Variants in PDK1 observed in about 807,000 individuals in gnomAD.
PDK1 encodes [Pyruvate dehydrogenase (acetyl-transferring)] kinase isozyme 1, mitochondrial.
In PDK1, 39 loss-of-function variants were observed where a neutral mutation model predicts 54.2. The ratio of observed to expected loss-of-function variants is 0.72; its 90% CI spans 0.56 to 0.94. The LOEUF is 0.94. Among genes scored for constraint, PDK1 ranks in the 40% least tolerant of loss-of-function variants. The pLI is 0.00. For missense variants in PDK1, 552 were observed against 566.0 expected (o/e 0.98, Z 0.25); for synonymous variants, 221 against 207.1 (o/e 1.07, Z -0.58).
the PDK1 span, among the ~76,000 whole-genome samples, chr2:172,630,647 T>TC: frequency 7.3e-6 from 1 of 137,054 alleles, no homozygotes; most frequent in South Asian, 2.4e-4. Context: ...TTTTTTTTTT[T>TC]GAGACAGGGC....
chr2:172,659,478 T>G, the PDK1 span, among the ~76,000 whole-genome samples: 2 of 152,232 alleles, frequency 1.3e-5, no homozygotes, highest in African/African-American at 4.8e-5. Flanking sequence ...AAACATGGAT[T>G]AAATAAATTT....
chr2:172,667,669 T>G, the PDK1 span, among the ~76,000 whole-genome samples: 1 of 152,226 alleles, frequency 6.6e-6, no homozygotes, highest in Admixed American at 6.5e-5. Flanking sequence ...GATAAAACAT[T>G]CTTGTCAGAT....
chr2:172,701,148 A>T, the PDK1 span, among the ~76,000 whole-genome samples: 1 of 152,190 alleles, frequency 6.6e-6, no homozygotes, highest in Non-Finnish European at 1.5e-5. Context: ...GACAACAACA[A>T]CAACAAAATC....
the PDK1 span, among the ~76,000 whole-genome samples, chr2:172,642,528 A>G: frequency 6.6e-6 from 1 of 152,178 alleles, no homozygotes; most frequent in Non-Finnish European, 1.5e-5. Context: ...GACCTACTGA[A>G]TCACAAACTC....
the PDK1 span, among the ~76,000 whole-genome samples, chr2:172,618,024 A>G: frequency 8.5e-5 from 13 of 152,346 alleles, no homozygotes; most frequent in South Asian, 2.1e-3. Flanking sequence ...CCATTGTAAT[A>G]GATATGATTT....
chr2:172,660,182 G>T, the PDK1 span, among the ~76,000 whole-genome samples: 1 of 108,372 alleles, frequency 9.2e-6, no homozygotes, highest in Non-Finnish European at 2.2e-5. Context: ...AGATTAAAGG[G>T]GATGGTTTGT....
chr2:172,567,218 AC>A (rs1689005347), intron 6 of PDK1, among the ~76,000 whole-genome samples: 1 of 152,214 alleles, frequency 6.6e-6, no homozygotes, highest in African/African-American at 2.4e-5. Context: ...AGAAAATGAT[AC>A]CAAGAAAGTT....
rs1388676278 is a variant in PDK1 at position 172,599,467 on chromosome 2, A to G, written c.*3498A>G. 2 of 152,202 alleles carry G rather than the reference A, an allele frequency of 1.3e-5. No individual in the cohort carries two copies. The highest frequency in any genetic ancestry group is 4.8e-5 in the African/African-American group (2 of 41,456). 9.4% of individuals were successfully genotyped at this position (152,202 alleles called of 1,614,324 possible). On this transcript the variant is annotated 3_prime_UTR_variant, in exon 11 of 11. Coordinates refer to ENST00000282077, the MANE Select transcript of PDK1 (RefSeq NM_002610.5). ...TGTGATGTAAGTGTGAAGTTTCTAC[A>G]TATGGGTAATCAGGGTTGAGTTAGG...
At chr2:172,589,458 C>T (rs191968280) in intron 9 of PDK1, among the ~76,000 whole-genome samples, 15 of 152,226 alleles carry the variant, frequency 9.9e-5, no homozygotes, top group South Asian at 2.1e-4. Context: ...TCCAGGGGCC[C>T]GGCCTGCCCA....
chr2:172,663,311 T>G, the PDK1 span, among the ~76,000 whole-genome samples: 1 of 152,204 alleles, frequency 6.6e-6, no homozygotes, highest in Non-Finnish European at 1.5e-5. Context: ...TTTAACTTAA[T>G]TGCCCTTGAA....
chr2:172,652,575 G>A, the PDK1 span, among the ~76,000 whole-genome samples: 62 of 152,256 alleles, frequency 4.1e-4, 1 homozygote, highest in South Asian at 2.5e-3. Context: ...AAACCTCATC[G>A]TCTCAACCCA....
At chr2:172,622,325 GAT>G in the PDK1 span, among the ~76,000 whole-genome samples, 6 of 145,370 alleles carry the variant, frequency 4.1e-5, no homozygotes, top group South Asian at 2.2e-4. Context: ...TATTATGTGA[GAT>G]ATGTTTATAT....
the PDK1 span, among the ~76,000 whole-genome samples, chr2:172,623,621 G>A: frequency 5.3e-5 from 8 of 152,174 alleles, no homozygotes; most frequent in Non-Finnish European, 7.4e-5. Flanking sequence ...TGCTAGGGCA[G>A]ATTGTTTTTC....
At chr2:172,570,850 CTTTT>C (rs529091195) in intron 8 of PDK1, 26 bp downstream of exon 8, 34 of 999,276 alleles carry the variant, frequency 3.4e-5, no homozygotes, top group Middle Eastern at 2.5e-4. Flanking sequence ...GGTTTGTTTT[CTTTT>C]TTTTTTTTTT....
the PDK1 span, among the ~76,000 whole-genome samples, chr2:172,700,627 C>T: frequency 2.4e-4 from 36 of 152,264 alleles, 1 homozygote; most frequent in African/African-American, 8.2e-4. Flanking sequence ...GCTACAATCT[C>T]GGCACTTTGG....
chr2:172,604,191 C>T lies in PDK1; in HGVS notation c.*8222C>T, dbSNP rs1691209799. ...CTGCCTCCTGAGTTGAAGCAATTCT[C>T]CTGCCTCAGCCTCCCCAGTAGCTGG... is the stretch of plus-strand genomic sequence containing the variant. On this transcript the variant is annotated 3_prime_UTR_variant, in exon 11 of 11. Coordinates refer to ENST00000282077, the MANE Select transcript of PDK1 (RefSeq NM_002610.5). 1 of 152,236 alleles carries T rather than the reference C, an allele frequency of 6.6e-6. No individual in the cohort carries two copies. Among genetic ancestry groups the T allele is most frequent in the South Asian group, 2.1e-4 (1 of 4,824 alleles). The allele number at this position is 152,236 out of a possible 1,614,324, so 9.4% of individuals were successfully genotyped here.
chr2:172,706,947 G>A, the PDK1 span, among the ~76,000 whole-genome samples: 2 of 152,120 alleles, frequency 1.3e-5, no homozygotes, highest in Non-Finnish European at 2.9e-5. Flanking sequence ...TGGGTGAGGT[G>A]GGAGTTCCAG....
chr2:172,685,904 G>A, the PDK1 span, among the ~76,000 whole-genome samples: 12 of 152,300 alleles, frequency 7.9e-5, no homozygotes, highest in South Asian at 2.3e-3. Context: ...GTGAAATCCA[G>A]TTTAAATTCC....
chr2:172,558,136 T>G (rs1688451636), intron 1 of PDK1: 1 of 152,242 alleles, frequency 6.6e-6, no homozygotes, highest in Admixed American at 6.6e-5. Flanking sequence ...GGCCTCCTGT[T>G]TTTAATTTAT....
Sources: allele counts gnomAD v4.1 joint callset (sites outside exome capture counted in the v4.1 genomes callset), GRCh38; gene constraint gnomAD v4.1.1; transcripts MANE v1.5; gene names NCBI Gene and HGNC (gene_info 2026-07-23, HGNC 2026-07-21).